Variants in DYNC2I1 observed in about 807,000 individuals in gnomAD.
DYNC2I1 encodes the protein dynein 2 intermediate chain 1.
Under a neutral mutation model 133.4 loss-of-function variants are expected in DYNC2I1, and 89 were observed. The observed-to-expected ratio is 0.67, with a 90% CI of 0.56 to 0.80. The LOEUF (loss-of-function observed/expected upper bound fraction) is 0.80. Among genes scored for constraint, DYNC2I1 ranks in the 30% least tolerant of loss-of-function variants. The pLI is 0.00. For synonymous variants in DYNC2I1, 504 were observed against 484.3 expected (o/e 1.04, Z -0.54); for missense variants, 1,291 against 1,314.5 (o/e 0.98, Z 0.28).
chr7:158,889,552 C>T (rs1844980733), intron 7 of DYNC2I1, among the ~76,000 whole-genome samples: 1 of 152,098 alleles, frequency 6.6e-6, no homozygotes, highest in African/African-American at 2.4e-5. Context: ...TGTCTCTAAG[C>T]TCCAGGTTGG....
Position 158,937,622 on chromosome 7 carries a change from G to GAAAAAAAAAAAAAAAAAAAAAAA in DYNC2I1, c.2778+3086_2778+3087insAAAAAAAAAAAAAAAAAAAAAAA, listed in dbSNP as rs71189438. On this transcript the variant is annotated intron_variant, in intron 23 of 24. Transcript: ENST00000407559. Reference sequence around the variant, plus strand: ...GGGTGACAGGGTGAGACTGTCTCAAGAAAAAAAAAAAAAGACACAAGGCTG... The same window carrying GAAAAAAAAAAAAAAAAAAAAAAA: ...GGGTGACAGGGTGAGACTGTCTCAAGAAAAAAAAAAAAAAAAAAAAAAAAAAAAAAAAAAAAGACACAAGGCTG... Among the ~76,000 whole-genome samples the GAAAAAAAAAAAAAAAAAAAAAAA allele has an allele frequency of 2.4e-4, 26 of 109,424 alleles. 1 individual carries two copies. The highest frequency in any genetic ancestry group is 4.8e-4 in the African/African-American group (13 of 27,254). The allele number at this position is 109,424 out of a possible 152,430, so 71.8% of individuals were successfully genotyped here.
the DYNC2I1 span, among the ~76,000 whole-genome samples, chr7:158,844,981 A>C: frequency 3.4e-5 from 5 of 148,770 alleles, no homozygotes; most frequent in Admixed American, 6.7e-5. Context: ...TAAACCAAAA[A>C]TAAAATTCTA....
chr7:158,906,009 A>G lies in DYNC2I1; in HGVS notation c.1378A>G (p.Arg460Gly), dbSNP rs761719823. The part of the protein sequence containing the change: ...PRTDTNSSPS[R>G]ASVCGIFVDF... ...CACAGATACAAACAGTTCCCCTTCC[A>G]GAGCCTCTGTTTGTGGAATTTTTGT... is the stretch of plus-strand genomic sequence containing the variant. The change falls in exon 11 of 25, where the codon AGA becomes GGA. Residue 460 changes from arginine (R) to glycine (G), a missense_variant. Transcript: ENST00000407559. The G allele has an allele frequency of 6.2e-7, 1 of 1,613,884 alleles. No individual in the cohort carries two copies. Among genetic ancestry groups the G allele is most frequent in the Non-Finnish European group, 8.5e-7 (1 of 1,179,822 alleles).
chr7:158,873,552 G>T (rs182471102), intron 3 of DYNC2I1, among the ~76,000 whole-genome samples: 1 of 152,178 alleles, frequency 6.6e-6, no homozygotes, highest in East Asian at 1.9e-4. Flanking sequence ...ATATACATGA[G>T]GTGGAATGGA....
In DYNC2I1 at chr7:158,885,403, G is replaced by A. The variant is rs533948964; in HGVS notation, c.935+784G>A. Among the ~76,000 whole-genome samples, 8 of 151,162 alleles carry A rather than the reference G, an allele frequency of 5.3e-5. No individual in the cohort carries two copies. The East Asian group carries it at 7.8e-4, about 15-fold the overall frequency. On this transcript the variant is annotated intron_variant, in intron 6 of 24. Transcript: ENST00000407559. ...GTTGCCGAGCCTGGAGTGCAGTGGCGCAATCTCGGCTCACTGCAACCTCCG... is the reference window on the plus strand; with the variant it reads ...GTTGCCGAGCCTGGAGTGCAGTGGCACAATCTCGGCTCACTGCAACCTCCG...
At chr7:158,910,726 G>A (rs775599999) in intron 11 of DYNC2I1, among the ~76,000 whole-genome samples, 2 of 151,094 alleles carry the variant, frequency 1.3e-5, no homozygotes, top group Non-Finnish European at 2.9e-5. Context: ...GGCGGAGGAC[G>A]ATTAGAGGGC....
chr7:158,868,054 A>G (rs1187931034), intron 1 of DYNC2I1, among the ~76,000 whole-genome samples: 1 of 152,182 alleles, frequency 6.6e-6, no homozygotes, highest in East Asian at 1.9e-4. Context: ...ACTGCACTCC[A>G]GCCTGGGTGA....
chr7:158,857,803 T>C (rs1267316167), intron 1 of DYNC2I1, among the ~76,000 whole-genome samples: 1 of 151,166 alleles, frequency 6.6e-6, no homozygotes, highest in Non-Finnish European at 1.5e-5. Context: ...TTTTTTTTTT[T>C]TTTTTTTAAA....
intron 4 of DYNC2I1, among the ~76,000 whole-genome samples, chr7:158,953,985 G>T (rs1463561288): frequency 2.6e-5 from 4 of 152,166 alleles, no homozygotes; most frequent in African/African-American, 9.7e-5. Flanking sequence ...CGTATCTCCT[G>T]TAATCCCCAC....
Position 158,856,606 on chromosome 7 carries a change from C to G in DYNC2I1, c.-130C>G, listed in dbSNP as rs182735466. 12 of 972,702 alleles carry G rather than the reference C, an allele frequency of 1.2e-5. No homozygotes were observed. The East Asian group carries it at 2.0e-4, about 16-fold the overall frequency. The allele number at this position is 972,702 out of a possible 1,614,324, so 60.3% of individuals were successfully genotyped here. On this transcript the variant is annotated 5_prime_UTR_variant, in exon 1 of 25. Transcript: ENST00000407559. ...GGCAGTGCTTCTGGGCCCTCTGCTG[C>G]TCCTGCTTGTCGGTTGCTAGGCGCT...
At chr7:158,923,140 T>C (rs1368177565) in intron 16 of DYNC2I1, among the ~76,000 whole-genome samples, 4 of 152,222 alleles carry the variant, frequency 2.6e-5, no homozygotes, top group Non-Finnish European at 4.4e-5. Flanking sequence ...TTCCTAGTTA[T>C]GTATTCCCTG....
chr7:158,883,906 C>A (rs1401967303), intron 5 of DYNC2I1, among the ~76,000 whole-genome samples: 1 of 151,234 alleles, frequency 6.6e-6, no homozygotes, highest in Non-Finnish European at 1.5e-5. Context: ...CCTCGTGATC[C>A]GCCCGCCTCG....
At chr7:158,914,941 T>A (rs1247738272) in intron 14 of DYNC2I1, among the ~76,000 whole-genome samples, 2 of 152,272 alleles carry the variant, frequency 1.3e-5, no homozygotes, top group Non-Finnish European at 2.9e-5. Flanking sequence ...TGCAGTCAGA[T>A]ATGAAGTTGG....
chr7:158,873,272 T>C lies in DYNC2I1; in HGVS notation c.490+1710T>C, dbSNP rs73527694. On this transcript the variant is annotated intron_variant, in intron 3 of 24. Coordinates refer to ENST00000407559, the MANE Select transcript of DYNC2I1 (RefSeq NM_018051.5). The stretch of plus-strand genomic sequence containing the variant: ...AAAAATGTAAACTAGCGCATATAAA[T>C]GCAGAAGGAATCTGTTAGAAGAACA... Among the ~76,000 whole-genome samples the C allele has an allele frequency of 9.3e-3, 1,409 of 152,294 alleles. 10 individuals carry two copies. The highest frequency in any genetic ancestry group is 0.031 in the African/African-American group (1,280 of 41,554).
chr7:158,933,332 C>A (rs1475607132), intron 21 of DYNC2I1, among the ~76,000 whole-genome samples: 1 of 152,192 alleles, frequency 6.6e-6, no homozygotes, highest in Non-Finnish European at 1.5e-5. Flanking sequence ...TTTTGAGCTG[C>A]TATGTGATGG....
intron 2 of DYNC2I1, 88 bp from the exon 3 acceptor site, chr7:158,871,054 C>A: frequency 7.0e-7 from 1 of 1,428,170 alleles, no homozygotes; most frequent in Non-Finnish European, 9.4e-7. Flanking sequence ...GGCCCTTCAG[C>A]TGTGTGTGCT....
chr7:158,908,705 A>G (rs1334310666), intron 11 of DYNC2I1, among the ~76,000 whole-genome samples: 1 of 152,176 alleles, frequency 6.6e-6, no homozygotes, highest in African/African-American at 2.4e-5. Context: ...CAGCTCAGAG[A>G]TTTGCCGCAG....
chr7:158,955,611 G>A (rs908060871), intron 4 of DYNC2I1, among the ~76,000 whole-genome samples: 10 of 152,324 alleles, frequency 6.6e-5, no homozygotes, highest in African/African-American at 2.4e-4. Context: ...GACACCCAGC[G>A]CTAACATAAA....
chr7:158,869,602 C>A, intron 1 of DYNC2I1: 1 of 521,334 alleles, frequency 1.9e-6, no homozygotes, highest in Admixed American at 2.8e-5. Context: ...CTTGTTTTCA[C>A]TTTTATTTTA....
Sources: gnomAD v4.1 joint callset for allele counts (sites outside exome capture counted in the v4.1 genomes callset) on GRCh38, gnomAD v4.1.1 for gene constraint, MANE v1.5 for transcripts, NCBI Gene and HGNC (gene_info 2026-07-23, HGNC 2026-07-21) for gene names.